Variants in TENM2 observed in about 807,000 individuals in gnomAD.
The protein encoded by TENM2 is teneurin-2.
A neutral mutation model predicts 245.2 loss-of-function variants in TENM2; 52 were observed. The ratio of observed to expected loss-of-function variants is 0.21; its 90% confidence interval spans 0.17 to 0.27. The LOEUF is 0.27. TENM2 is among the 10% of genes least tolerant of loss of function. TENM2 has a pLI of 1.00. For synonymous variants in TENM2, 1,363 were observed against 1,438.9 expected, an observed-to-expected ratio of 0.95 and a Z score of 1.19; for missense variants, 3,046 against 3,666.8, an observed-to-expected ratio of 0.83 and a Z score of 4.37.
At chr5:167,115,025 C>A in the TENM2 span, among the ~76,000 whole-genome samples, 1 of 152,192 alleles carries the variant, frequency 6.6e-6, no homozygotes, top group Non-Finnish European at 1.5e-5. Context: ...AGGAGTCAAC[C>A]TGGATTTGCA....
In TENM2 at chr5:167,506,557, T is replaced by G. The variant is rs558222942; in HGVS notation, c.502+131084T>G. The stretch of plus-strand genomic sequence containing the variant: ...CTGAGGTTATATTTAAAGATATTTT[T>G]AATAAATAAGACTCAGCAATCAAGT... On this transcript the variant is annotated intron_variant, in intron 2 of 28. Coordinates refer to ENST00000518659, the Ensembl canonical transcript of TENM2. Among the ~76,000 whole-genome samples, 563 of 152,330 alleles carry G rather than the reference T, an allele frequency of 3.7e-3. 4 individuals are homozygous for G. The highest frequency in any genetic ancestry group is 7.3e-3 in the Non-Finnish European group (496 of 68,018).
intron 2 of TENM2, among the ~76,000 whole-genome samples, chr5:167,435,363 G>A (rs2127449978): frequency 6.6e-6 from 1 of 152,268 alleles, no homozygotes; most frequent in East Asian, 1.9e-4. Flanking sequence ...GATATTGAAT[G>A]AGTCTCACAA....
At chr5:167,933,841 G>A (rs1190369284) in intron 3 of TENM2, among the ~76,000 whole-genome samples, 4 of 152,144 alleles carry the variant, frequency 2.6e-5, no homozygotes, top group African/African-American at 9.7e-5. Context: ...TGGTCACTGT[G>A]ATGATTAAAT....
intron 2 of TENM2, among the ~76,000 whole-genome samples, chr5:167,684,420 G>A (rs1441934700): frequency 6.6e-6 from 1 of 152,168 alleles, no homozygotes; most frequent in African/African-American, 2.4e-5. Context: ...TCGAGATTGA[G>A]GGCACACGCT....
At chr5:168,200,122 G>A (rs1202518152) in exon 17 of TENM2, 1 of 1,612,670 alleles carries the variant, frequency 6.2e-7, no homozygotes, top group African/African-American at 1.3e-5. Flanking sequence ...TGGACTCTCA[G>A]ATGCTGTTGG....
intron 2 of TENM2, among the ~76,000 whole-genome samples, chr5:167,467,605 A>G (rs780969537): frequency 4.0e-5 from 6 of 151,888 alleles, no homozygotes; most frequent in Non-Finnish European, 5.9e-5. Context: ...GCCCTTCTAA[A>G]TTTCACGAAC....
chr5:167,532,377 G>T (rs1410559985), intron 2 of TENM2, among the ~76,000 whole-genome samples: 1 of 151,980 alleles, frequency 6.6e-6, no homozygotes, highest in East Asian at 1.9e-4. Context: ...CCGAGACTGG[G>T]TATTTTATAC....
At chr5:167,331,130 G>A (rs1219378778) in intron 1 of TENM2, among the ~76,000 whole-genome samples, 2 of 151,374 alleles carry the variant, frequency 1.3e-5, no homozygotes, top group Admixed American at 1.3e-4. Context: ...CAGCTACTCG[G>A]GAGGCTGAGG....
chr5:168,106,282 G>A (rs866836946), intron 9 of TENM2, among the ~76,000 whole-genome samples: 3 of 152,078 alleles, frequency 2.0e-5, no homozygotes, highest in African/African-American at 4.8e-5. Context: ...TTTTTCTCCC[G>A]TTAACTGGCA....
intron 2 of TENM2, among the ~76,000 whole-genome samples, chr5:167,839,904 G>A (rs372572302): frequency 1.3e-5 from 2 of 152,068 alleles, no homozygotes; most frequent in African/African-American, 4.8e-5. Flanking sequence ...TGCAACCTCC[G>A]CCTCCCGGGT....
At chr5:168,235,504 T>C (rs1232868183) in intron 25 of TENM2, among the ~76,000 whole-genome samples, 1 of 152,070 alleles carries the variant, frequency 6.6e-6, no homozygotes, top group Non-Finnish European at 1.5e-5. Flanking sequence ...AATAATCCAA[T>C]AAATGTACAA....
At chr5:168,079,122 G>A (rs1791745052) in intron 7 of TENM2, among the ~76,000 whole-genome samples, 1 of 152,094 alleles carries the variant, frequency 6.6e-6, no homozygotes, top group Non-Finnish European at 1.5e-5. Flanking sequence ...GTGGTTTGTA[G>A]TTCTCCTTGA....
At chr5:167,846,370 C>T (rs985155558) in intron 2 of TENM2, among the ~76,000 whole-genome samples, 2 of 152,250 alleles carry the variant, frequency 1.3e-5, no homozygotes, top group African/African-American at 2.4e-5. Context: ...TAAATTTCTT[C>T]TCCATCTGCA....
At chr5:167,557,933 C>T (rs1216245916) in intron 2 of TENM2, among the ~76,000 whole-genome samples, 1 of 152,150 alleles carries the variant, frequency 6.6e-6, no homozygotes, top group African/African-American at 2.4e-5. Context: ...GTATTTGAAC[C>T]TTGGAGAAAA....
intron 2 of TENM2, among the ~76,000 whole-genome samples, chr5:167,848,051 C>T (rs191797125): frequency 2.0e-5 from 3 of 152,242 alleles, no homozygotes; most frequent in Admixed American, 6.5e-5. Flanking sequence ...ATAAGATGAC[C>T]GTTTCTCTCC....
intron 2 of TENM2, among the ~76,000 whole-genome samples, chr5:167,818,761 C>T (rs954470152): frequency 6.6e-6 from 1 of 152,314 alleles, no homozygotes. Context: ...TCCCAAGGAA[C>T]AGTCTCTGTT....
chr5:167,786,714 T>A (rs1764601242), intron 2 of TENM2, among the ~76,000 whole-genome samples: 1 of 152,136 alleles, frequency 6.6e-6, no homozygotes, highest in Non-Finnish European at 1.5e-5. Context: ...CCAAAAGCAA[T>A]AATTACCAGT....
intron 2 of TENM2, among the ~76,000 whole-genome samples, chr5:167,812,702 C>G (rs1766731451): frequency 6.6e-6 from 1 of 152,192 alleles, no homozygotes; most frequent in South Asian, 2.1e-4. Flanking sequence ...CTTCTCCAGG[C>G]TTGCGCCTGA....
intron 2 of TENM2, among the ~76,000 whole-genome samples, chr5:167,605,539 G>A (rs2127737316): frequency 6.6e-6 from 1 of 152,232 alleles, no homozygotes; most frequent in African/African-American, 2.4e-5. Context: ...CTGCTGCTGA[G>A]CATAGTTAGG....
Sources: gnomAD v4.1 joint callset for allele counts (sites outside exome capture counted in the v4.1 genomes callset) on GRCh38, gnomAD v4.1.1 for gene constraint, MANE v1.5 for transcripts, NCBI Gene and HGNC (gene_info 2026-07-23, HGNC 2026-07-21) for gene names.